The following RFX2 variants were observed in gnomAD, a reference collection of about 807,000 sequenced individuals.
The protein encoded by RFX2 is DNA-binding protein RFX2.
RFX2 carries 20 observed loss-of-function variants against 87.8 expected under a neutral mutation model. The ratio of observed to expected loss-of-function variants is 0.23; its 90% confidence interval spans 0.16 to 0.33. The LOEUF is 0.33. Ranked by LOEUF, RFX2 falls within the 10% of genes least tolerant of loss-of-function variation. The pLI, the probability that RFX2 is intolerant of heterozygous loss-of-function variation, is 1.00. For missense variants in RFX2, 767 were observed against 1,012.3 expected, an observed-to-expected ratio of 0.76 and a Z score of 3.29; for synonymous variants, 397 against 431.3, an observed-to-expected ratio of 0.92 and a Z score of 0.98.
In RFX2 at chr19:6,007,850, C is replaced by A; in HGVS notation, c.1135-48G>T. The A allele has an allele frequency of 7.8e-7, 1 of 1,284,704 alleles. No individual in the cohort carries two copies. Among genetic ancestry groups the A allele is most frequent in the Non-Finnish European group, 1.1e-6 (1 of 903,784 alleles). The allele number at this position is 1,284,704 out of a possible 1,614,324, so 79.6% of individuals were successfully genotyped here. A position where few individuals can be genotyped will look rare whatever the true frequency, so the allele number is the denominator to read the frequency against. ...GACAGACGGGTGCGTGCGCCCATCA[C>A]GTGCACTCAGCACACGTCAAGTGAG... On this transcript the variant is annotated intron_variant, in intron 10 of 17. Transcript: ENST00000303657. This position sits in a 1 kb window ranked among gnomAD's most constrained non-coding sequence, Gnocchi z 8.2.
intron 1 of RFX2, among the ~76,000 whole-genome samples, chr19:6,087,529 T>C (rs989769293): frequency 1.3e-5 from 2 of 152,146 alleles, no homozygotes; most frequent in African/African-American, 4.8e-5. Context: ...GCCCATCTGA[T>C]TTACCACATC....
At position 6,002,992 on chromosome 19, in the gene RFX2, G is replaced by A; in HGVS notation, c.1501-122C>T. On this transcript the variant is annotated intron_variant, in intron 13 of 17. Coordinates refer to ENST00000303657, the MANE Select transcript of RFX2 (RefSeq NM_000635.4). The surrounding 1 kb of genome is among the most constrained non-coding windows in gnomAD (Gnocchi z 6.7). ...AGGAGGGAGCAGGAAACAGCAACCT[G>A]GGCAGGGAAGAGGGAACCTCCTGCT... 1 of 1,129,952 alleles carries A rather than the reference G, an allele frequency of 8.8e-7. No homozygotes were observed. Among genetic ancestry groups the A allele is most frequent in the Non-Finnish European group, 1.2e-6 (1 of 807,910 alleles). The allele number at this position is 1,129,952 out of a possible 1,614,324, so 70.0% of individuals were successfully genotyped here.
chr19:6,021,900 G>A lies in RFX2; in HGVS notation c.597+4263C>T, dbSNP rs1031511366. Among the ~76,000 whole-genome samples, 8 of 152,176 alleles carry A rather than the reference G, an allele frequency of 5.3e-5. No individual in the cohort carries two copies. Among genetic ancestry groups the A allele is most frequent in the African/African-American group, 1.9e-4 (8 of 41,440 alleles). ...AGGGGTGGGTGCTGACGGCTGGCTA[G>A]GAGGTGGCCGAAAGAATCCACAGGG... On this transcript the variant is annotated intron_variant, in intron 6 of 17. Coordinates refer to ENST00000303657, the MANE Select transcript of RFX2 (RefSeq NM_000635.4). The surrounding 1 kb of genome is among the most constrained non-coding windows in gnomAD (Gnocchi z 5.7).
intron 4 of RFX2, 148 bp downstream of exon 4, chr19:6,041,896 G>A: frequency 1.4e-6 from 1 of 714,794 alleles, no homozygotes; most frequent in Non-Finnish European, 2.5e-6. Context: ...TAGAGATATT[G>A]CCCAGTTTCC....
rs529471091 is a variant in RFX2 at position 6,021,334 on chromosome 19, A to C, written c.597+4829T>G. 2.6e-5 allele frequency among the ~76,000 whole-genome samples: 4 copies of C among 151,994 alleles called. No homozygotes were observed. The highest frequency in any genetic ancestry group is 4.4e-5 in the Non-Finnish European group (3 of 67,972). Reference sequence around the variant, plus strand: ...ATGCAACGGCGAATAAAAGACAAAAACCCCTGCCCCCTGGAAGCGTCCGTT... The same window carrying C: ...ATGCAACGGCGAATAAAAGACAAAACCCCCTGCCCCCTGGAAGCGTCCGTT... On this transcript the variant is annotated intron_variant, in intron 6 of 17. Coordinates refer to ENST00000303657, the MANE Select transcript of RFX2 (RefSeq NM_000635.4). The surrounding 1 kb of genome is among the most constrained non-coding windows in gnomAD (Gnocchi z 5.7).
At chr19:6,055,217 C>T (rs2087319401) in intron 1 of RFX2, among the ~76,000 whole-genome samples, 1 of 152,166 alleles carries the variant, frequency 6.6e-6, no homozygotes, top group South Asian at 2.1e-4. Flanking sequence ...GTTGTAAGTA[C>T]ATGGAGCAAC....
intron 5 of RFX2, among the ~76,000 whole-genome samples, chr19:6,036,347 G>A (rs1328228980): frequency 2.0e-5 from 3 of 152,094 alleles, no homozygotes; most frequent in South Asian, 2.1e-4. Flanking sequence ...GACTCCTCCC[G>A]AGAAGAGAGG....
intron 5 of RFX2, among the ~76,000 whole-genome samples, chr19:6,037,854 C>T (rs954135311): frequency 1.1e-4 from 16 of 152,126 alleles, no homozygotes; most frequent in African/African-American, 3.9e-4. Flanking sequence ...TAAACCCACA[C>T]ACATATGGCC....
chr19:6,106,240 C>T (rs979727760), intron 1 of RFX2, among the ~76,000 whole-genome samples: 3 of 149,746 alleles, frequency 2.0e-5, no homozygotes, highest in Non-Finnish European at 4.4e-5. Context: ...CCCATCCATC[C>T]ATCCATCCAT....
intron 1 of RFX2, among the ~76,000 whole-genome samples, chr19:6,058,022 T>C (rs983686527): frequency 2.0e-5 from 3 of 152,214 alleles, no homozygotes; most frequent in Non-Finnish European, 4.4e-5. Context: ...CCCTCCTTGA[T>C]GGTGGAACCA....
intron 1 of RFX2, among the ~76,000 whole-genome samples, chr19:6,099,903 T>C (rs552205713): frequency 3.3e-5 from 5 of 152,260 alleles, no homozygotes; most frequent in South Asian, 4.1e-4. Flanking sequence ...TTGTCACCAC[T>C]TGGGGAAAGG....
rs541799379 is a variant in RFX2, at chr19:5,997,885, A to G, written c.1860-672T>C. On this transcript the variant is annotated intron_variant, in intron 15 of 17. Coordinates refer to ENST00000303657, the MANE Select transcript of RFX2 (RefSeq NM_000635.4). This position sits in a 1 kb window ranked among gnomAD's most constrained non-coding sequence, Gnocchi z 4.2. The stretch of plus-strand genomic sequence containing the variant: ...CACGTGGAAATTACATGAAATTCAC[A>G]TTTTGGTGTCCACAGACAGTTTCAC... Among the ~76,000 whole-genome samples the G allele has an allele frequency of 4.6e-5, 7 of 152,168 alleles. No individual in the cohort carries two copies. The South Asian group carries it at 1.4e-3, about 31-fold the overall frequency.
At chr19:6,053,955 CAAA>C (rs553721219) in intron 1 of RFX2, among the ~76,000 whole-genome samples, 1 of 48,082 alleles carries the variant, frequency 2.1e-5, no homozygotes. Flanking sequence ...GACTCTATCT[CAAA>C]AAAAAAAAAA....
chr19:6,096,731 G>C (rs573622510), intron 1 of RFX2, among the ~76,000 whole-genome samples: 10 of 152,290 alleles, frequency 6.6e-5, no homozygotes, highest in Middle Eastern at 3.4e-3. Flanking sequence ...CAGGCGTAAG[G>C]CACTGCACCT....
chr19:6,088,946 CT>C (rs2087895065), intron 1 of RFX2, among the ~76,000 whole-genome samples: 1 of 152,206 alleles, frequency 6.6e-6, no homozygotes, highest in Admixed American at 6.5e-5. Flanking sequence ...AGTATATTTG[CT>C]GCTGAAGCAA....
chr19:6,015,809 G>T (rs2086718844), intron 7 of RFX2, among the ~76,000 whole-genome samples: 1 of 152,140 alleles, frequency 6.6e-6, no homozygotes, highest in South Asian at 2.1e-4. Flanking sequence ...CCCAGAGGCT[G>T]CTCTAAAACA....
At position 6,017,110 on chromosome 19, in the gene RFX2, A is replaced by G. The variant is rs1037478024; in HGVS notation, c.598-839T>C. On this transcript the variant is annotated intron_variant, in intron 6 of 17. Transcript: ENST00000303657. The surrounding 1 kb of genome is among the most constrained non-coding windows in gnomAD (Gnocchi z 4.1). The stretch of plus-strand genomic sequence containing the variant: ...TTTTGTGTCTAAGTCAAAAGGCAGG[A>G]CATAGCTACTTGGGAGGCTGAGGTG... 1.3e-5 allele frequency among the ~76,000 whole-genome samples: 2 copies of G among 152,198 alleles called. No individual in the cohort carries two copies. Among genetic ancestry groups the G allele is most frequent in the Admixed American group, 1.3e-4 (2 of 15,282 alleles).
At chr19:6,014,135 G>A (rs907141754) in intron 7 of RFX2, among the ~76,000 whole-genome samples, 1 of 152,156 alleles carries the variant, frequency 6.6e-6, no homozygotes, top group Non-Finnish European at 1.5e-5. Flanking sequence ...CACAGACATG[G>A]CTGTGGAGAC....
At position 5,998,474 on chromosome 19, in the gene RFX2, G is replaced by A. The variant is rs138970352; in HGVS notation, c.1860-1261C>T. ...TTCATAAACTCTGTTACGTCTAATC[G>A]GTATCGAGCGATAAAAAGAAGACAC... On this transcript the variant is annotated intron_variant, in intron 15 of 17. Coordinates refer to ENST00000303657, the MANE Select transcript of RFX2 (RefSeq NM_000635.4). The surrounding 1 kb of genome is among the most constrained non-coding windows in gnomAD (Gnocchi z 4.2). Among the ~76,000 whole-genome samples, 117 of 152,256 alleles carry A rather than the reference G, an allele frequency of 7.7e-4. No homozygotes were observed. The highest frequency in any genetic ancestry group is 2.7e-3 in the African/African-American group (114 of 41,552).
Sources: allele counts gnomAD v4.1 joint callset (sites outside exome capture counted in the v4.1 genomes callset), GRCh38; gene constraint gnomAD v4.1.1; non-coding constraint Gnocchi (gnomAD v3.1); transcripts MANE v1.5; gene names NCBI Gene and HGNC (gene_info 2026-07-23, HGNC 2026-07-21).